The following ARID1A variants were observed in gnomAD, a reference collection of about 807,000 sequenced individuals.
ARID1A encodes AT-rich interaction domain 1A, also known as AT-rich interactive domain-containing protein 1A.
In ARID1A, 20 loss-of-function variants were observed where a neutral mutation model predicts 212.6. That is an observed-to-expected ratio of 0.09 (90% CI 0.07 to 0.14). The LOEUF is 0.14. Ranked by LOEUF, ARID1A falls within the 10% of genes least tolerant of loss-of-function variation. ARID1A has a pLI of 1.00. For synonymous variants in ARID1A, 1,376 were observed against 1,222.1 expected (o/e 1.13, Z -2.63); for missense variants, 2,587 against 3,059.0 (o/e 0.85, Z 3.64).
At chr1:26,761,135 G>T in intron 5 of ARID1A, 39 bp downstream of exon 5, 1 of 1,605,128 alleles carries the variant, frequency 6.2e-7, no homozygotes, top group Non-Finnish European at 8.5e-7. Context: ...AGGGAAAGGT[G>T]ACTGCCCCCA....
intron 1 of ARID1A, among the ~76,000 whole-genome samples, chr1:26,700,563 C>T (rs1392045754): frequency 6.6e-6 from 1 of 152,080 alleles, no homozygotes; most frequent in Non-Finnish European, 1.5e-5. Flanking sequence ...TTTATTGGGA[C>T]GCTTTTTAGC....
At chr1:26,697,800 G>T (rs1409509898) in intron 1 of ARID1A, among the ~76,000 whole-genome samples, 1 of 139,890 alleles carries the variant, frequency 7.1e-6, no homozygotes, top group South Asian at 2.3e-4. Flanking sequence ...AACTCCAGGG[G>T]TCTTGATGGG....
chr1:26,776,101 G>A (rs2081132535), intron 19 of ARID1A: 2 of 357,850 alleles, frequency 5.6e-6, no homozygotes, highest in Admixed American at 3.8e-5. Context: ...CTCCCAAAGT[G>A]CTAGGATTAC....
chr1:26,696,435 G>A lies in ARID1A; in HGVS notation c.32G>A (p.Ser11Asn). 1 of 1,289,248 alleles carries A rather than the reference G, an allele frequency of 7.8e-7. No homozygotes were observed. The highest frequency in any genetic ancestry group is 9.8e-7 in the Non-Finnish European group (1 of 1,019,770). The allele number at this position is 1,289,248 out of a possible 1,614,324, so 79.9% of individuals were successfully genotyped here. A position where few individuals can be genotyped will look rare whatever the true frequency, so the allele number is the denominator to read the frequency against. ...GCGCAGGTCGCCCCCGCCGCCGCCA[G>A]CAGCCTGGGCAACCCGCCGCCGCCG... Reference protein sequence around the residue: MAAQVAPAAASSLGNPPPPPP... With the variant: MAAQVAPAAANSLGNPPPPPP... The change falls in exon 1 of 20, where the codon AGC (serine) becomes AAC (asparagine). Residue 11 changes from serine to asparagine, a missense_variant. By Grantham distance (46) the Ser-to-Asn change is conservative. Transcript: ENST00000324856.
At chr1:26,726,012 C>T (rs960128538) in intron 1 of ARID1A, among the ~76,000 whole-genome samples, 14 of 151,874 alleles carry the variant, frequency 9.2e-5, no homozygotes, top group Non-Finnish European at 1.6e-4. Context: ...TGCGCCACCA[C>T]GTCCGGCTAA....
intron 1 of ARID1A, among the ~76,000 whole-genome samples, chr1:26,710,166 T>A (rs1178005523): frequency 7.0e-6 from 1 of 143,098 alleles, no homozygotes; most frequent in African/African-American, 2.5e-5. Flanking sequence ...CCGGGTGCGG[T>A]GGCTCATGCC....
chr1:26,753,853 T>C (rs1476919406), intron 4 of ARID1A, among the ~76,000 whole-genome samples: 2 of 152,206 alleles, frequency 1.3e-5, no homozygotes, highest in African/African-American at 4.8e-5. Flanking sequence ...GAATAGGGGC[T>C]TGGATTGCAG....
intron 1 of ARID1A, among the ~76,000 whole-genome samples, chr1:26,716,949 G>A (rs2080508518): frequency 6.6e-6 from 1 of 152,108 alleles, no homozygotes; most frequent in Admixed American, 6.5e-5. Flanking sequence ...TTTTTGTGGT[G>A]CTATATTGCA....
In ARID1A at chr1:26,780,213, C is replaced by T. The variant is rs746450439; in HGVS notation, c.6315C>T (p.Thr2105=). ...PSAEAQDPFS[T]LGPNAVLSPQ... ...CTGAAGCCCAGGACCCCTTTTCCAC[C>T]CTGGGCCCCAATGCCGTCCTTTCCC... The change falls in exon 20 of 20, where the codon ACC becomes ACT. Residue 2105 remains threonine, a synonymous_variant. Coordinates refer to ENST00000324856, the MANE Select transcript of ARID1A (RefSeq NM_006015.6). This position sits in a 1 kb window ranked among gnomAD's most constrained non-coding sequence, Gnocchi z 7.2. The T allele has an allele frequency of 6.2e-7, 1 of 1,614,174 alleles. No homozygotes were observed. Among genetic ancestry groups the T allele is most frequent in the Non-Finnish European group, 8.5e-7 (1 of 1,180,026 alleles).
Position 26,696,576 on chromosome 1 carries a change from GCGAGGGCCCCGC to G in ARID1A, c.176_187del (p.Glu59_Ala62del). 8.1e-7 allele frequency: 1 copy of G among 1,229,426 alleles called. No individual in the cohort carries two copies. Among genetic ancestry groups the G allele is most frequent in the Non-Finnish European group, 1.0e-6 (1 of 988,440 alleles). The allele number at this position is 1,229,426 out of a possible 1,614,324, so 76.2% of individuals were successfully genotyped here. Reference sequence around the variant, plus strand: ...ATGAAGGCAGCCGCCGGGCAGGAAAGCGAGGGCCCCGCCGTGGGGCCGCCGCAGCCGCTGGGA... The same window carrying G: ...ATGAAGGCAGCCGCCGGGCAGGAAAGCGTGGGGCCGCCGCAGCCGCTGGGA... On this transcript the variant is annotated inframe_deletion, in exon 1 of 20. Transcript: ENST00000324856.
chr1:26,739,957 T>C (rs2080772135), intron 4 of ARID1A, among the ~76,000 whole-genome samples: 1 of 150,540 alleles, frequency 6.6e-6, no homozygotes, highest in Non-Finnish European at 1.5e-5. Context: ...CTTCCAAGTC[T>C]GTCCTCAGCA....
intron 19 of ARID1A, chr1:26,778,013 G>T (rs2081152561): frequency 6.6e-6 from 1 of 150,876 alleles, no homozygotes; most frequent in African/African-American, 2.4e-5. Flanking sequence ...AGGTTGCAGT[G>T]AGCTGAGATC....
At chr1:26,764,153 C>T (rs2124073388) in intron 8 of ARID1A, 1 of 151,838 alleles carries the variant, frequency 6.6e-6, no homozygotes, top group Admixed American at 6.6e-5. Context: ...TATTTTTAGA[C>T]TGGGTTTCAC....
chr1:26,775,071 A>C lies in ARID1A; in HGVS notation c.4844A>C (p.Lys1615Thr). 1 of 1,613,160 alleles carries C rather than the reference A, an allele frequency of 6.2e-7. No homozygotes were observed. The highest frequency in any genetic ancestry group is 1.3e-5 in the African/African-American group (1 of 74,816). Residue 1615 changes from lysine to threonine, a missense_variant, in exon 18 of 20, where the codon AAG becomes ACG. Around this residue, in one of 11 missense-constraint regions of ARID1A, gnomAD observed 890 missense variants for 1,098.2 expected, o/e 0.81. Transcript: ENST00000324856. The stretch of plus-strand genomic sequence containing the variant: ...CTGCACTCTGGGATGAAAATGCAGA[A>C]GGCAGGTCCCCCAGTACCTGCCTCG... ...PFLHSGMKMQ[K>T]AGPPVPASHI... is the part of the protein sequence containing the mutation.
Position 26,704,555 on chromosome 1 carries a change from A to G in ARID1A, c.1137+7015A>G, listed in dbSNP as rs186180150. 5.9e-5 allele frequency among the ~76,000 whole-genome samples: 9 copies of G among 152,282 alleles called. No individual in the cohort carries two copies. The East Asian group carries it at 1.7e-3, about 29-fold the overall frequency. ...GCAGTCTGCCCATTTATTCATAGAA[A>G]TGGCCTTTAATACTGTTTTTGGCCG... On this transcript the variant is annotated intron_variant, in intron 1 of 19. Transcript: ENST00000324856.
At chr1:26,755,153 T>C (rs979070205) in intron 4 of ARID1A, among the ~76,000 whole-genome samples, 1 of 152,204 alleles carries the variant, frequency 6.6e-6, no homozygotes, top group Non-Finnish European at 1.5e-5. Context: ...GTAGTATCTA[T>C]AACCAAGACT....
intron 4 of ARID1A, among the ~76,000 whole-genome samples, chr1:26,743,967 G>A (rs911259231): frequency 6.6e-6 from 1 of 152,162 alleles, no homozygotes; most frequent in Middle Eastern, 3.4e-3. Context: ...AGAGAAGCAG[G>A]GTCTTTCTGA....
chr1:26,775,350 T>A, intron 18 of ARID1A, 130 bp downstream of exon 18: 1 of 1,437,048 alleles, frequency 7.0e-7, no homozygotes, highest in East Asian at 2.5e-5. Flanking sequence ...CAAAGAACTT[T>A]GGAAAAGGAA....
rs974046884 is a variant in ARID1A, at chr1:26,771,449, C to T, written c.3406+123C>T. 57 of 1,118,182 alleles carry T rather than the reference C, an allele frequency of 5.1e-5. No individual in the cohort carries two copies. In the East Asian group the frequency reaches 1.3e-3, roughly 25 times the overall value. 69.3% of individuals were successfully genotyped at this position (1,118,182 alleles called of 1,614,324 possible). A position where few individuals can be genotyped will look rare whatever the true frequency, so the allele number is the denominator to read the frequency against. On this transcript the variant is annotated intron_variant, in intron 12 of 19. Coordinates refer to ENST00000324856, the MANE Select transcript of ARID1A (RefSeq NM_006015.6). The surrounding 1 kb of genome is among the most constrained non-coding windows in gnomAD (Gnocchi z 5.4). ...CCAAGGATCTGTGCTCTGCCTTGCC[C>T]TACCACAGGGCTTAACAGGTTGGCT... is the stretch of plus-strand genomic sequence containing the variant.
Sources: allele counts gnomAD v4.1 joint callset (sites outside exome capture counted in the v4.1 genomes callset), GRCh38; gene constraint gnomAD v4.1.1; regional missense constraint gnomAD v4.1.1; non-coding constraint Gnocchi (gnomAD v3.1); transcripts MANE v1.5; gene names NCBI Gene and HGNC (gene_info 2026-07-23, HGNC 2026-07-21).